XRCC1: variants seen among roughly 807,000 people sequenced by gnomAD.
XRCC1 encodes the protein X-ray repair cross complementing 1.
XRCC1 carries 52 observed loss-of-function variants against 83.3 expected under a neutral mutation model. That is an observed-to-expected ratio of 0.62 (90% CI 0.50 to 0.79). The LOEUF (loss-of-function observed/expected upper bound fraction) is 0.79, where lower values mean the gene tolerates loss of function less well. Ranked by LOEUF, XRCC1 falls within the 30% of genes least tolerant of loss-of-function variation. XRCC1 has a pLI of 0.00. For missense variants in XRCC1, 793 were observed against 823.5 expected, an observed-to-expected ratio of 0.96 and a Z score of 0.45; for synonymous variants, 281 against 312.6, an observed-to-expected ratio of 0.90 and a Z score of 1.07.
chr19:43,562,997 G>A (rs189410416), intron 2 of XRCC1, among the ~76,000 whole-genome samples: 13 of 152,358 alleles, frequency 8.5e-5, no homozygotes, highest in East Asian at 1.9e-4. Flanking sequence ...AAGCCGGACC[G>A]GAACCCAGGC....
chr19:43,562,469 C>A (rs3213317), intron 2 of XRCC1, among the ~76,000 whole-genome samples: 1 of 151,986 alleles, frequency 6.6e-6, no homozygotes, highest in East Asian at 1.9e-4. Context: ...CTTGGCCAGG[C>A]GCAGTGGCTC....
At chr19:43,568,064 A>G (rs537641134) in intron 2 of XRCC1, among the ~76,000 whole-genome samples, 2 of 151,454 alleles carry the variant, frequency 1.3e-5, no homozygotes, top group South Asian at 2.1e-4. Flanking sequence ...TAGTAGAGAC[A>G]GGGTTCCACC....
At chr19:43,570,627 T>C (rs934731175) in intron 2 of XRCC1, among the ~76,000 whole-genome samples, 28 of 151,908 alleles carry the variant, frequency 1.8e-4, no homozygotes, top group African/African-American at 5.3e-4. Flanking sequence ...CTACGAAAAA[T>C]TTTTAAAATT....
chr19:43,560,126 C>T (rs1303029523), intron 3 of XRCC1, among the ~76,000 whole-genome samples: 1 of 151,856 alleles, frequency 6.6e-6, no homozygotes, highest in Non-Finnish European at 1.5e-5. Flanking sequence ...CGCAGTGGCT[C>T]ACGCCTGTAA....
At chr19:43,553,896 G>T in intron 4 of XRCC1, 1 of 483,506 alleles carries the variant, frequency 2.1e-6, no homozygotes, top group Non-Finnish European at 3.7e-6. Flanking sequence ...CCCTTTTCAC[G>T]CATTAGCTCT....
In XRCC1 at chr19:43,574,892, G is replaced by A. The variant is rs778474413; in HGVS notation, c.144+18C>T. The A allele has an allele frequency of 1.2e-6, 2 of 1,604,938 alleles. No individual in the cohort carries two copies. The highest frequency in any genetic ancestry group is 1.7e-5 in the Admixed American group (1 of 60,006). The stretch of plus-strand genomic sequence containing the variant: ...ACTCCAGACTCCTAGTGAGGAGGAG[G>A]TGGGGTGGCAGGATCACCTGTAGGA... On this transcript the variant is annotated intron_variant, in intron 2 of 16. Coordinates refer to ENST00000262887, the MANE Select transcript of XRCC1 (RefSeq NM_006297.3).
At chr19:43,551,449 C>T in intron 10 of XRCC1, 122 bp downstream of exon 10, 1 of 839,748 alleles carries the variant, frequency 1.2e-6, no homozygotes, top group Non-Finnish European at 1.9e-6. Flanking sequence ...TCTCAGTAGT[C>T]TGCTGGCTCT....
In XRCC1 at chr19:43,560,309, T is replaced by G. The variant is rs554886373; in HGVS notation, c.255+601A>C. Among the ~76,000 whole-genome samples, 32 of 148,384 alleles carry G rather than the reference T, an allele frequency of 2.2e-4. No individual in the cohort carries two copies. In the South Asian group the frequency reaches 6.5e-3, roughly 30 times the overall value. ...AACTCGGGAGGCTGAGGCAGAAGAA[T>G]AGCTTGAACCCGGGAGGCAGAGGTT... On this transcript the variant is annotated intron_variant, in intron 3 of 16. Transcript: ENST00000262887.
In XRCC1 at chr19:43,546,781, G is replaced by T. The variant is rs751869528; in HGVS notation, c.1294-54C>A. The T allele has an allele frequency of 1.9e-6, 3 of 1,594,702 alleles. No individual in the cohort carries two copies. In the South Asian group the frequency reaches 3.4e-5, roughly 18 times the overall value. On this transcript the variant is annotated intron_variant, in intron 11 of 16. Coordinates refer to ENST00000262887, the MANE Select transcript of XRCC1 (RefSeq NM_006297.3). Reference sequence around the variant, plus strand: ...GGGCAGGAACAGTGTGGGTGTGTTGGGGGGGTACCTGCAAGAGGCAAGAGT... The same window carrying T: ...GGGCAGGAACAGTGTGGGTGTGTTGTGGGGGTACCTGCAAGAGGCAAGAGT...
intron 11 of XRCC1, 58 bp from the exon 12 acceptor site, chr19:43,546,785 G>C (rs763933060): frequency 6.3e-7 from 1 of 1,593,906 alleles, no homozygotes. Context: ...GTGTTGGGGG[G>C]GTACCTGCAA....
At chr19:43,574,240 TA>T (rs935840633) in intron 2 of XRCC1, among the ~76,000 whole-genome samples, 2 of 152,032 alleles carry the variant, frequency 1.3e-5, no homozygotes, top group African/African-American at 2.4e-5. Context: ...CATACTCAGC[TA>T]ATCTATAAAA....
chr19:43,548,775 A>AAAAAAC (rs1220036886), intron 10 of XRCC1, among the ~76,000 whole-genome samples: 3 of 126,196 alleles, frequency 2.4e-5, no homozygotes, highest in Non-Finnish European at 5.1e-5. Context: ...TCAAAAAAAA[A>AAAAAAC]AAAAAAAAAA....
In XRCC1 at chr19:43,548,779, A is replaced by AAAAAAAAAAAAAAAAAC. The variant is rs1213062759; in HGVS notation, c.1200-1803_1200-1802insGTTTTTTTTTTTTTTTT. On this transcript the variant is annotated intron_variant, in intron 10 of 16. Coordinates refer to ENST00000262887, the MANE Select transcript of XRCC1 (RefSeq NM_006297.3). ...CCCAAGAATGATCAAAAAAAAAAAAAAAAAAAACACAACAGTAGCAGGTTG... is the reference window on the plus strand; with the variant it reads ...CCCAAGAATGATCAAAAAAAAAAAAAAAAAAAAAAAAAAAAACAAAAAAACACAACAGTAGCAGGTTG... Among the ~76,000 whole-genome samples, 230 of 141,662 alleles carry AAAAAAAAAAAAAAAAAC rather than the reference A, an allele frequency of 1.6e-3. 5 individuals carry two copies. The highest frequency in any genetic ancestry group is 4.5e-3 in the Middle Eastern group (1 of 224). The allele number at this position is 141,662 out of a possible 152,430, so 92.9% of individuals were successfully genotyped here.
rs774310562 is a variant in XRCC1, at chr19:43,551,565, C to T, written c.1199+6G>A. ...TAAGGAGCAGGGTTGGCGTGTGAGG[C>T]CTTACCTCTGGGAGGGCAGCCGCCG... On this transcript the variant is annotated splice_donor_region_variant and intron_variant, in intron 10 of 16. Transcript: ENST00000262887. The T allele has an allele frequency of 4.3e-6, 7 of 1,612,418 alleles. No homozygotes were observed. In the Admixed American group the frequency reaches 1.0e-4, roughly 23 times the overall value.
chr19:43,556,986 C>T (rs369209462), intron 3 of XRCC1, among the ~76,000 whole-genome samples: 9 of 149,478 alleles, frequency 6.0e-5, no homozygotes, highest in African/African-American at 1.7e-4. Context: ...GCCTGGGTGA[C>T]GGAGCAAGAC....
intron 9 of XRCC1, 100 bp downstream of exon 9, chr19:43,551,917 A>C: frequency 7.6e-7 from 1 of 1,312,800 alleles, no homozygotes; most frequent in Non-Finnish European, 1.1e-6. Flanking sequence ...AGAGAGAGAA[A>C]GCATGCAGCA....
intron 2 of XRCC1, among the ~76,000 whole-genome samples, chr19:43,568,769 A>AGTTGGGGAGGGAGCAGGG: frequency 6.7e-6 from 1 of 150,268 alleles, no homozygotes; most frequent in Admixed American, 6.6e-5. Context: ...AGGGAGCAGG[A>AGTTGGGGAGGGAGCAGGG]GTTGGGGAGG....
At chr19:43,554,608 G>T in intron 4 of XRCC1, 38 bp downstream of exon 4, 1 of 1,576,192 alleles carries the variant, frequency 6.3e-7, no homozygotes, top group South Asian at 1.1e-5. Context: ...CCTTGCCCAG[G>T]ACCAAGGACT....
chr19:43,548,770 A>AAAAAAAAAAAAAG (rs1215238160), intron 10 of XRCC1, among the ~76,000 whole-genome samples: 2,133 of 122,772 alleles, frequency 0.017, 132 homozygotes, highest in African/African-American at 0.066. Context: ...AATGATCAAA[A>AAAAAAAAAAAAAG]AAAAAAAAAA....
Sources: gnomAD v4.1 joint callset for allele counts (sites outside exome capture counted in the v4.1 genomes callset) on GRCh38, gnomAD v4.1.1 for gene constraint, MANE v1.5 for transcripts, NCBI Gene and HGNC (gene_info 2026-07-23, HGNC 2026-07-21) for gene names.